The following SUGCT variants were observed in gnomAD, a reference collection of about 807,000 sequenced individuals.
SUGCT encodes succinyl-CoA:glutarate CoA-transferase.
SUGCT carries 41 observed loss-of-function variants against 55.0 expected under a neutral mutation model. That is an observed-to-expected ratio of 0.74 (90% CI 0.58 to 0.97). The LOEUF (loss-of-function observed/expected upper bound fraction) is 0.97. Ranked by LOEUF, SUGCT falls within the 50% of genes least tolerant of loss-of-function variation. SUGCT has a pLI of 0.00. For missense variants in SUGCT, 568 were observed against 547.8 expected (o/e 1.04, Z -0.37); for synonymous variants, 187 against 200.4 (o/e 0.93, Z 0.56).
chr7:40,462,239 T>C (rs1169962348), intron 11 of SUGCT, among the ~76,000 whole-genome samples: 1 of 152,056 alleles, frequency 6.6e-6, no homozygotes, highest in Admixed American at 6.6e-5. Context: ...AGAGAAAATG[T>C]CTGAGGGAGG....
chr7:40,169,851 C>T (rs7801937), intron 1 of SUGCT, among the ~76,000 whole-genome samples: 5,924 of 151,958 alleles, frequency 0.039, 371 homozygotes, highest in African/African-American at 0.13. Context: ...CCGGGCCTAA[C>T]GTGGACTTCT....
At chr7:41,029,485 C>T in the SUGCT span, among the ~76,000 whole-genome samples, 2 of 152,086 alleles carry the variant, frequency 1.3e-5, no homozygotes, top group Non-Finnish European at 2.9e-5. Flanking sequence ...AAACAGCCTC[C>T]TACACCCTGT....
intron 9 of SUGCT, among the ~76,000 whole-genome samples, chr7:40,386,968 C>G (rs1190571407): frequency 6.6e-6 from 1 of 152,148 alleles, no homozygotes; most frequent in Admixed American, 6.5e-5. Flanking sequence ...ACTCTCACAC[C>G]AATGCAGTGG....
chr7:40,159,426 A>G (rs1201826293), intron 1 of SUGCT, among the ~76,000 whole-genome samples: 3 of 151,838 alleles, frequency 2.0e-5, no homozygotes, highest in African/African-American at 4.8e-5. Context: ...GCTGGAGTGC[A>G]GTGATATGAT....
intron 12 of SUGCT, among the ~76,000 whole-genome samples, chr7:40,680,633 GA>G (rs1226631698): frequency 6.6e-6 from 1 of 152,036 alleles, no homozygotes; most frequent in Admixed American, 6.6e-5. Flanking sequence ...TTTACAGGAG[GA>G]AAAAAATCTC....
the SUGCT span, among the ~76,000 whole-genome samples, chr7:40,957,922 A>G: frequency 6.6e-6 from 1 of 152,040 alleles, no homozygotes; most frequent in African/African-American, 2.4e-5. Context: ...TCACTTATGA[A>G]GCTTAGTTTG....
intron 12 of SUGCT, among the ~76,000 whole-genome samples, chr7:40,615,472 A>G (rs1195055479): frequency 6.6e-6 from 1 of 152,198 alleles, no homozygotes; most frequent in African/African-American, 2.4e-5. Flanking sequence ...TTTGCTATCA[A>G]GATAGGAACC....
intron 6 of SUGCT, among the ~76,000 whole-genome samples, chr7:40,207,714 G>A (rs188326912): frequency 3.3e-5 from 5 of 152,120 alleles, no homozygotes; most frequent in Non-Finnish European, 7.4e-5. Context: ...CTGCTCTGGA[G>A]GCTGAGGCAG....
At chr7:40,747,920 A>G (rs1018043741) in intron 12 of SUGCT, among the ~76,000 whole-genome samples, 1 of 152,118 alleles carries the variant, frequency 6.6e-6, no homozygotes, top group Non-Finnish European at 1.5e-5. Context: ...GTTGGAGGGC[A>G]CTGGGGATTT....
chr7:40,367,277 A>T (rs186166891), intron 9 of SUGCT, among the ~76,000 whole-genome samples: 11,521 of 78,678 alleles, frequency 0.15, 753 homozygotes, highest in East Asian at 0.5. Context: ...GGGTGGGGGG[A>T]GGGGGGGAGG....
chr7:40,584,499 C>T (rs1797269596), intron 12 of SUGCT, among the ~76,000 whole-genome samples: 1 of 152,110 alleles, frequency 6.6e-6, no homozygotes, highest in African/African-American at 2.4e-5. Flanking sequence ...CTCCAAGGAG[C>T]AGTGTTTTAG....
intron 12 of SUGCT, among the ~76,000 whole-genome samples, chr7:40,594,415 G>A (rs1173146524): frequency 6.6e-6 from 1 of 151,458 alleles, no homozygotes; most frequent in Non-Finnish European, 1.5e-5. Flanking sequence ...ATTATGAAAT[G>A]TGATCGCCCT....
chr7:40,729,671 G>A (rs1786795436), intron 12 of SUGCT, among the ~76,000 whole-genome samples: 1 of 152,128 alleles, frequency 6.6e-6, no homozygotes, highest in African/African-American at 2.4e-5. Context: ...GCTAAATTTT[G>A]GACTTTATCT....
At chr7:40,898,812 T>C in the SUGCT span, among the ~76,000 whole-genome samples, 635 of 152,056 alleles carry the variant, frequency 4.2e-3, no homozygotes, top group Middle Eastern at 6.8e-3. Context: ...CAGAGAACAA[T>C]ACTCGGTGAG....
intron 12 of SUGCT, among the ~76,000 whole-genome samples, chr7:40,724,409 C>G (rs1786505754): frequency 8.0e-6 from 1 of 124,486 alleles, no homozygotes; most frequent in Non-Finnish European, 1.6e-5. Context: ...ACTAAAAATA[C>G]AAAAAATTAA....
At chr7:40,934,010 G>C in the SUGCT span, among the ~76,000 whole-genome samples, 1 of 152,160 alleles carries the variant, frequency 6.6e-6, no homozygotes, top group African/African-American at 2.4e-5. Flanking sequence ...TGGAGGAGAA[G>C]AGGCACTTTG....
At chr7:40,505,186 T>C (rs1792519673) in intron 12 of SUGCT, among the ~76,000 whole-genome samples, 1 of 152,188 alleles carries the variant, frequency 6.6e-6, no homozygotes, top group African/African-American at 2.4e-5. Context: ...CTCTATTCTC[T>C]TTCATGGTGG....
At chr7:40,724,983 A>T (rs1786539190) in intron 12 of SUGCT, among the ~76,000 whole-genome samples, 1 of 152,214 alleles carries the variant, frequency 6.6e-6, no homozygotes, top group South Asian at 2.1e-4. Context: ...AAAAAGCTCT[A>T]GAAGTACTCA....
At chr7:40,503,746 G>A (rs1052381562) in intron 12 of SUGCT, among the ~76,000 whole-genome samples, 4 of 152,084 alleles carry the variant, frequency 2.6e-5, no homozygotes, top group Admixed American at 2.6e-4. Flanking sequence ...GAAAAGGAAA[G>A]GTTTTCTAAG....
Sources: gnomAD v4.1 joint callset for allele counts (sites outside exome capture counted in the v4.1 genomes callset) on GRCh38, gnomAD v4.1.1 for gene constraint, MANE v1.5 for transcripts, NCBI Gene and HGNC (gene_info 2026-07-23, HGNC 2026-07-21) for gene names.